ADGRV1: variants seen among roughly 807,000 people sequenced by gnomAD.
The protein encoded by ADGRV1 is adhesion G protein-coupled receptor V1.
Under a neutral mutation model 596.2 loss-of-function variants are expected in ADGRV1, and 359 were observed. The observed-to-expected ratio is 0.60, with a 90% confidence interval of 0.55 to 0.66. ADGRV1 has a LOEUF of 0.66. Among genes scored for constraint, ADGRV1 ranks in the 30% least tolerant of loss-of-function variants. The probability of loss-of-function intolerance (pLI) is 0.00; values close to 1 mark genes in which losing one functional copy is unlikely to be tolerated. For missense variants in ADGRV1, 7,274 were observed against 7,575.6 expected (o/e 0.96, Z 1.48); for synonymous variants, 2,681 against 2,679.2 (o/e 1.00, Z -0.02).
intron 78 of ADGRV1, among the ~76,000 whole-genome samples, chr5:90,841,811 A>T (rs924581964): frequency 6.6e-6 from 1 of 152,204 alleles, no homozygotes; most frequent in Admixed American, 6.5e-5. Flanking sequence ...GGGGTTTTAG[A>T]TAGTCGTGCA....
At position 91,122,195 on chromosome 5, in the gene ADGRV1, A is replaced by G. The variant is rs1003323399; in HGVS notation, c.18432+19855A>G. Among the ~76,000 whole-genome samples the G allele has an allele frequency of 3.3e-5, 5 of 152,186 alleles. No homozygotes were observed. In the South Asian group the frequency reaches 1.0e-3, roughly 31 times the overall value. On this transcript the variant is annotated intron_variant, in intron 87 of 89. Transcript: ENST00000405460. ...AGCAAAAGTTGTTTATAAATACTCT[A>G]TATGTTGCTTATTTGTGGAGTATGA...
chr5:91,090,533 A>T (rs1464789417), intron 86 of ADGRV1, among the ~76,000 whole-genome samples: 4 of 151,550 alleles, frequency 2.6e-5, no homozygotes, highest in Non-Finnish European at 5.9e-5. Context: ...TTCCCAGAAA[A>T]CCTTGAGACT....
intron 21 of ADGRV1, 126 bp from the exon 22 acceptor site, chr5:90,672,420 G>C: frequency 3.2e-6 from 2 of 625,460 alleles, no homozygotes; most frequent in East Asian, 2.9e-5. Context: ...GGCCTCGTTA[G>C]TCCCTTTTAG....
chr5:91,085,577 C>T (rs969003045), intron 86 of ADGRV1, among the ~76,000 whole-genome samples: 1 of 152,166 alleles, frequency 6.6e-6, no homozygotes, highest in African/African-American at 2.4e-5. Context: ...TTTGCCGTCT[C>T]TCTTCTTTGC....
chr5:90,704,291 T>C, intron 35 of ADGRV1, 98 bp from the exon 36 acceptor site: 2 of 751,082 alleles, frequency 2.7e-6, no homozygotes, highest in Non-Finnish European at 4.3e-6. Context: ...AATGAAAATA[T>C]ATTTGCCTGC....
At chr5:90,660,771 C>T (rs1470842987) in intron 21 of ADGRV1, among the ~76,000 whole-genome samples, 2 of 152,050 alleles carry the variant, frequency 1.3e-5, no homozygotes, top group Non-Finnish European at 2.9e-5. Context: ...TATGCTTTTA[C>T]CTTTTTCATA....
chr5:91,012,600 G>C (rs1023610385), intron 85 of ADGRV1, among the ~76,000 whole-genome samples: 1 of 151,934 alleles, frequency 6.6e-6, no homozygotes, highest in African/African-American at 2.4e-5. Context: ...TATGTGTCAA[G>C]TAATGTGCTC....
At position 90,868,927 on chromosome 5, in the gene ADGRV1, C is replaced by T. The variant is rs547057960; in HGVS notation, c.17856+5070C>T. Among the ~76,000 whole-genome samples the T allele has an allele frequency of 2.6e-4, 40 of 152,128 alleles. No individual in the cohort carries two copies. In the Middle Eastern group the frequency reaches 0.01, roughly 39 times the overall value. On this transcript the variant is annotated intron_variant, in intron 83 of 89. Coordinates refer to ENST00000405460, the MANE Select transcript of ADGRV1 (RefSeq NM_032119.4). ...TTAAACCAAAAAACTGAGCCAGACC[C>T]GCATCTCAGGTCAAGACCATTATTC...
chr5:90,641,614 G>A (rs1254604273), intron 11 of ADGRV1, among the ~76,000 whole-genome samples: 1 of 152,160 alleles, frequency 6.6e-6, no homozygotes, highest in Non-Finnish European at 1.5e-5. Context: ...AGCATGCTAA[G>A]TATTATCAGA....
intron 85 of ADGRV1, among the ~76,000 whole-genome samples, chr5:91,047,326 G>A (rs1468186648): frequency 6.6e-6 from 1 of 152,154 alleles, no homozygotes; most frequent in Non-Finnish European, 1.5e-5. Flanking sequence ...ATAGATGTGT[G>A]TATAAAGAGA....
chr5:90,937,346 C>G (rs570361971), intron 83 of ADGRV1, among the ~76,000 whole-genome samples: 5 of 152,162 alleles, frequency 3.3e-5, no homozygotes, highest in African/African-American at 1.2e-4. Context: ...TCTTTCTGTG[C>G]TGCATTCTGG....
chr5:91,006,057 C>G (rs894393866), intron 85 of ADGRV1, among the ~76,000 whole-genome samples: 1 of 152,154 alleles, frequency 6.6e-6, no homozygotes, highest in Non-Finnish European at 1.5e-5. Context: ...ATTTTTCAAA[C>G]TAGAATACTT....
chr5:90,711,939 T>A (rs1299654829), intron 41 of ADGRV1, among the ~76,000 whole-genome samples: 2 of 151,698 alleles, frequency 1.3e-5, no homozygotes, highest in East Asian at 1.9e-4. Flanking sequence ...ACCATGCTAA[T>A]TTTTTTTGTA....
chr5:91,112,851 G>A (rs1792495565), intron 87 of ADGRV1, among the ~76,000 whole-genome samples: 1 of 152,056 alleles, frequency 6.6e-6, no homozygotes, highest in African/African-American at 2.4e-5. Flanking sequence ...TCTAAATTTT[G>A]TCCTAAGGAT....
Position 90,679,550 on chromosome 5 carries a change from A to G in ADGRV1, c.5445A>G (p.Val1815=). The part of the protein sequence containing the change: ...KVELLNLEGG[V]AELFRVDGSG... ...GTGTCTCTGTGTCTCCTTGTGAAGT[A>G]GCTGAACTCTTTAGGGTTGATGGAA... The change falls in exon 26 of 90, where the codon GTA becomes GTG. Residue 1815 remains valine (V), a splice_region_variant and synonymous_variant. Transcript: ENST00000405460. The G allele has an allele frequency of 6.2e-7, 1 of 1,611,720 alleles. No individual in the cohort carries two copies. The highest frequency in any genetic ancestry group is 1.7e-5 in the Admixed American group (1 of 59,956).
In ADGRV1 at chr5:90,688,481, G is replaced by A. The variant is rs556458811; in HGVS notation, c.6491-1380G>A. The stretch of plus-strand genomic sequence containing the variant: ...CAAGATTCTCCTGCCTCAGCCTTCC[G>A]GGTAGCTGGGACTACAAGCGTGTGC... On this transcript the variant is annotated intron_variant, in intron 29 of 89. Transcript: ENST00000405460. 5.9e-5 allele frequency among the ~76,000 whole-genome samples: 9 copies of A among 152,152 alleles called. No individual in the cohort carries two copies. In the East Asian group the frequency reaches 7.7e-4, roughly 13 times the overall value.
intron 16 of ADGRV1, among the ~76,000 whole-genome samples, chr5:90,646,438 G>A (rs959685764): frequency 6.6e-6 from 1 of 151,136 alleles, no homozygotes; most frequent in Non-Finnish European, 1.5e-5. Context: ...ACTTCTCCAT[G>A]TGATTTCTTC....
At chr5:91,034,138 C>G (rs926636019) in intron 85 of ADGRV1, among the ~76,000 whole-genome samples, 3 of 152,072 alleles carry the variant, frequency 2.0e-5, no homozygotes, top group Non-Finnish European at 2.9e-5. Flanking sequence ...TGATTGCTTT[C>G]TGTCCTCCAA....
intron 86 of ADGRV1, among the ~76,000 whole-genome samples, chr5:91,080,588 C>CAAAAAAAAAAAA: frequency 1.2e-5 from 1 of 84,488 alleles, no homozygotes; most frequent in African/African-American, 4.9e-5. Context: ...GCACACCCTG[C>CAAAAAAAAAAAA]AAAAAAAAAA....
Sources: gnomAD v4.1 joint callset for allele counts (sites outside exome capture counted in the v4.1 genomes callset) on GRCh38, gnomAD v4.1.1 for gene constraint, MANE v1.5 for transcripts, NCBI Gene and HGNC (gene_info 2026-07-23, HGNC 2026-07-21) for gene names.